Variants in KCNH8 observed in about 807,000 individuals in gnomAD.
KCNH8 encodes potassium voltage-gated channel subfamily H member 8.
KCNH8 carries 70 observed loss-of-function variants against 103.6 expected under a neutral mutation model. The observed-to-expected ratio is 0.68, with a 90% CI of 0.56 to 0.82. The LOEUF (loss-of-function observed/expected upper bound fraction) is 0.82, where lower values mean the gene tolerates loss of function less well. Ranked by LOEUF, KCNH8 falls within the 40% of genes least tolerant of loss-of-function variation. The pLI is 0.00. For missense variants in KCNH8, 1,217 were observed against 1,329.9 expected, an observed-to-expected ratio of 0.92 and a Z score of 1.32; for synonymous variants, 498 against 489.4, an observed-to-expected ratio of 1.02 and a Z score of -0.23.
At chr3:19,213,319 C>A (rs774158804) in intron 1 of KCNH8, among the ~76,000 whole-genome samples, 4 of 152,110 alleles carry the variant, frequency 2.6e-5, no homozygotes, top group Non-Finnish European at 5.9e-5. Context: ...TCCATATGCA[C>A]CTCATTCTGT....
In KCNH8 at chr3:19,219,378, T is replaced by G. The variant is rs184992664; in HGVS notation, c.77-34276T>G. On this transcript the variant is annotated intron_variant, in intron 1 of 15. Coordinates refer to ENST00000328405, the MANE Select transcript of KCNH8 (RefSeq NM_144633.3). The stretch of plus-strand genomic sequence containing the variant: ...TTATAACTAAAATGTTTATTGTTTG[T>G]CTTCTGACCCTGACACTGGAGTGTA... 9.7e-4 allele frequency among the ~76,000 whole-genome samples: 147 copies of G among 152,164 alleles called. 3 individuals are homozygous for G. Among genetic ancestry groups the G allele is most frequent in the African/African-American group, 4.8e-5 (2 of 41,422 alleles).
At chr3:19,475,241 A>G (rs149755364) in intron 11 of KCNH8, among the ~76,000 whole-genome samples, 2 of 152,318 alleles carry the variant, frequency 1.3e-5, no homozygotes, top group African/African-American at 4.8e-5. Context: ...CTTGTCCTGA[A>G]AAGAGGCTTC....
chr3:19,498,652 T>C (rs1181410831), intron 11 of KCNH8, among the ~76,000 whole-genome samples: 1 of 152,200 alleles, frequency 6.6e-6, no homozygotes, highest in Non-Finnish European at 1.5e-5. Context: ...GGACGAGAGG[T>C]GCTCTGCTTT....
chr3:19,164,582 T>C (rs2063264338), intron 1 of KCNH8, among the ~76,000 whole-genome samples: 1 of 152,204 alleles, frequency 6.6e-6, no homozygotes, highest in African/African-American at 2.4e-5. Flanking sequence ...GTTTTGACAA[T>C]AGCAGGCCCT....
chr3:19,360,927 G>T (rs1257413988), intron 5 of KCNH8, among the ~76,000 whole-genome samples: 1 of 152,010 alleles, frequency 6.6e-6, no homozygotes, highest in African/African-American at 2.4e-5. Flanking sequence ...ATAAGAACTA[G>T]TATTATGATG....
At chr3:19,255,723 G>A (rs1315622365) in intron 2 of KCNH8, among the ~76,000 whole-genome samples, 1 of 151,832 alleles carries the variant, frequency 6.6e-6, no homozygotes, top group Non-Finnish European at 1.5e-5. Context: ...CTAAGATGTT[G>A]CTAAAGTTTA....
intron 11 of KCNH8, among the ~76,000 whole-genome samples, chr3:19,474,892 C>T (rs1300241045): frequency 6.6e-6 from 1 of 152,080 alleles, no homozygotes; most frequent in Non-Finnish European, 1.5e-5. Flanking sequence ...ATTCAGTCTT[C>T]CATCTTGATA....
intron 2 of KCNH8, among the ~76,000 whole-genome samples, chr3:19,263,110 T>G (rs547128783): frequency 1.3e-5 from 2 of 152,032 alleles, no homozygotes; most frequent in Non-Finnish European, 2.9e-5. Context: ...AGCATAAAAC[T>G]TAGATTCTTA....
At chr3:19,439,037 T>G (rs1201560731) in intron 8 of KCNH8, among the ~76,000 whole-genome samples, 1 of 152,196 alleles carries the variant, frequency 6.6e-6, no homozygotes, top group Non-Finnish European at 1.5e-5. Context: ...TGAATTGTAT[T>G]TTCAGTCTTC....
At chr3:19,203,497 C>A (rs908054590) in intron 1 of KCNH8, among the ~76,000 whole-genome samples, 4 of 151,800 alleles carry the variant, frequency 2.6e-5, no homozygotes, top group Non-Finnish European at 5.9e-5. Flanking sequence ...GAAAATTTTG[C>A]AGTTAAAAAT....
intron 7 of KCNH8, among the ~76,000 whole-genome samples, chr3:19,397,032 C>A (rs528339260): frequency 6.6e-6 from 1 of 151,920 alleles, no homozygotes; most frequent in Non-Finnish European, 1.5e-5. Context: ...GTTATATGAA[C>A]AAAGCCTTTT....
At chr3:19,190,071 T>C (rs1428809016) in intron 1 of KCNH8, among the ~76,000 whole-genome samples, 1 of 151,984 alleles carries the variant, frequency 6.6e-6, no homozygotes, top group Non-Finnish European at 1.5e-5. Context: ...TACCTTTGCT[T>C]GCTGAGGGGG....
intron 1 of KCNH8, among the ~76,000 whole-genome samples, chr3:19,171,412 T>C (rs1311744831): frequency 4.6e-5 from 7 of 152,204 alleles, no homozygotes; most frequent in Non-Finnish European, 1.5e-5. Flanking sequence ...TATTTCTCAG[T>C]GACTAGAGGT....
At chr3:19,516,356 T>A (rs1272898093) in intron 14 of KCNH8, among the ~76,000 whole-genome samples, 2 of 152,108 alleles carry the variant, frequency 1.3e-5, no homozygotes, top group African/African-American at 2.4e-5. Context: ...ACTCATCATC[T>A]TCTTGGGAAA....
rs767367165 is a variant in KCNH8 at position 19,197,602 on chromosome 3, A to G, written c.76+48807A>G. Among the ~76,000 whole-genome samples, 6 of 151,580 alleles carry G rather than the reference A, an allele frequency of 4.0e-5. No individual in the cohort carries two copies. In the South Asian group the frequency reaches 6.2e-4, roughly 16 times the overall value. ...TTTGGAGCTGGACTTCCTGGCTTCA[A>G]ATCCCAACTTTGCCACTTCCTTTCT... On this transcript the variant is annotated intron_variant, in intron 1 of 15. Transcript: ENST00000328405.
chr3:19,171,628 T>A (rs573068234), intron 1 of KCNH8, among the ~76,000 whole-genome samples: 15 of 152,224 alleles, frequency 9.9e-5, no homozygotes, highest in Non-Finnish European at 1.9e-4. Context: ...GCTCCTCTGA[T>A]TACTAGATCC....
intron 11 of KCNH8, among the ~76,000 whole-genome samples, chr3:19,507,361 T>C (rs1017218915): frequency 6.6e-6 from 1 of 152,248 alleles, no homozygotes; most frequent in Admixed American, 6.5e-5. Flanking sequence ...TCAGCTATGA[T>C]GAGGAGGCTG....
At chr3:19,262,993 C>A (rs868424559) in intron 2 of KCNH8, among the ~76,000 whole-genome samples, 5 of 152,114 alleles carry the variant, frequency 3.3e-5, no homozygotes, top group Middle Eastern at 6.8e-3. Context: ...TTATAAAGTT[C>A]TCCTCAGGCT....
At chr3:19,471,283 C>T (rs911237841) in intron 11 of KCNH8, among the ~76,000 whole-genome samples, 1 of 152,202 alleles carries the variant, frequency 6.6e-6, no homozygotes, top group Non-Finnish European at 1.5e-5. Flanking sequence ...GCTCCATTTA[C>T]ATGTATTCCT....
Sources: allele counts gnomAD v4.1 joint callset (sites outside exome capture counted in the v4.1 genomes callset), GRCh38; gene constraint gnomAD v4.1.1; transcripts MANE v1.5; gene names NCBI Gene and HGNC (gene_info 2026-07-23, HGNC 2026-07-21).